Variants in IL2RA observed in about 807,000 individuals in gnomAD.
IL2RA encodes the protein interleukin 2 receptor subunit alpha.
A neutral mutation model predicts 37.8 loss-of-function variants in IL2RA; 24 were observed. The ratio of observed to expected loss-of-function variants is 0.63; its 90% CI spans 0.46 to 0.89. IL2RA has a LOEUF of 0.89. Ranked by LOEUF, IL2RA falls within the 40% of genes least tolerant of loss-of-function variation. The probability of loss-of-function intolerance (pLI) is 0.00; values close to 1 mark genes in which losing one functional copy is unlikely to be tolerated. For synonymous variants in IL2RA, 125 were observed against 114.6 expected (o/e 1.09, Z -0.58); for missense variants, 319 against 348.6 (o/e 0.92, Z 0.68).
At chr10:6,027,604 A>G (rs1839506842) in intron 1 of IL2RA, among the ~76,000 whole-genome samples, 1 of 152,224 alleles carries the variant, frequency 6.6e-6, no homozygotes, top group Non-Finnish European at 1.5e-5. Flanking sequence ...TGCTGTAATA[A>G]TTATTATTTT....
At chr10:6,059,415 A>G (rs1009211103) in intron 1 of IL2RA, among the ~76,000 whole-genome samples, 1 of 152,238 alleles carries the variant, frequency 6.6e-6, no homozygotes, top group African/African-American at 2.4e-5. Flanking sequence ...CAAAGTGGCT[A>G]TGAAGATTAC....
In IL2RA at chr10:6,036,803, G is replaced by A. The variant is rs1204854000; in HGVS notation, c.65-10778C>T. Among the ~76,000 whole-genome samples the A allele has an allele frequency of 6.6e-6, 1 of 151,916 alleles. No homozygotes were observed. The highest frequency in any genetic ancestry group is 2.4e-5 in the African/African-American group (1 of 41,182). ...TGGGGGACAGTCATTTTAGAGAGCG[G>A]ACACCACTGCTGAAGAAGAAGGATA... On this transcript the variant is annotated intron_variant, in intron 1 of 7. Transcript: ENST00000379959. The surrounding 1 kb of genome is among the most constrained non-coding windows in gnomAD (Gnocchi z 6.1).
intron 3 of IL2RA, among the ~76,000 whole-genome samples, chr10:6,023,311 G>T (rs1564543074): frequency 1.3e-5 from 2 of 152,142 alleles, no homozygotes; most frequent in African/African-American, 2.4e-5. Context: ...TTCCTAGCAG[G>T]TTCTGTGGGT....
intron 1 of IL2RA, among the ~76,000 whole-genome samples, chr10:6,037,958 C>G (rs1407115179): frequency 1.3e-5 from 2 of 152,120 alleles, no homozygotes; most frequent in Non-Finnish European, 2.9e-5. Context: ...CTTGGGAAAC[C>G]CAAACCAGAA....
chr10:6,017,867 TG>T (rs1839304839), intron 7 of IL2RA, among the ~76,000 whole-genome samples, 185 bp downstream of exon 7: 1 of 152,186 alleles, frequency 6.6e-6, no homozygotes. Context: ...CGTGAGCCAC[TG>T]CACCCGGCGG....
At chr10:6,060,431 C>T (rs1014574105) in intron 1 of IL2RA, among the ~76,000 whole-genome samples, 1 of 152,138 alleles carries the variant, frequency 6.6e-6, no homozygotes, top group Non-Finnish European at 1.5e-5. Context: ...TTCATGTAAC[C>T]AAACACCACC....
Position 6,019,725 on chromosome 10 carries a change from C to T in IL2RA, c.655+145G>A, listed in dbSNP as rs911909443. The T allele has an allele frequency of 9.6e-5, 82 of 850,516 alleles. 1 individual carries two copies. The South Asian group carries it at 1.1e-3, about 11-fold the overall frequency. The allele number at this position is 850,516 out of a possible 1,614,324, so 52.7% of individuals were successfully genotyped here. A position where few individuals can be genotyped will look rare whatever the true frequency, so the allele number is the denominator to read the frequency against. Reference sequence around the variant, plus strand: ...CTTTGGGGCCTGCAGGTTGCTGAGGCCCTGTCCCTGCTCAGAGGGAGAGGA... The same window carrying T: ...CTTTGGGGCCTGCAGGTTGCTGAGGTCCTGTCCCTGCTCAGAGGGAGAGGA... On this transcript the variant is annotated intron_variant, in intron 5 of 7. Coordinates refer to ENST00000379959, the MANE Select transcript of IL2RA (RefSeq NM_000417.3).
Position 6,015,047 on chromosome 10 carries a change from G to A in IL2RA, c.795-2151C>T, listed in dbSNP as rs539880967. Among the ~76,000 whole-genome samples the A allele has an allele frequency of 1.3e-5, 2 of 151,834 alleles. No individual in the cohort carries two copies. Among genetic ancestry groups the A allele is most frequent in the Non-Finnish European group, 2.9e-5 (2 of 67,870 alleles). ...CTGGATAATCAAGAGAGAGACAGAGGGAGTTTCTAGAGTTTACTTTTTCTT... is the reference window on the plus strand; with the variant it reads ...CTGGATAATCAAGAGAGAGACAGAGAGAGTTTCTAGAGTTTACTTTTTCTT... On this transcript the variant is annotated intron_variant, in intron 7 of 7. Coordinates refer to ENST00000379959, the MANE Select transcript of IL2RA (RefSeq NM_000417.3). The surrounding 1 kb of genome is among the most constrained non-coding windows in gnomAD (Gnocchi z 4.9).
At chr10:6,031,003 T>G (rs2132866532) in intron 1 of IL2RA, among the ~76,000 whole-genome samples, 1 of 152,052 alleles carries the variant, frequency 6.6e-6, no homozygotes, top group South Asian at 2.1e-4. Flanking sequence ...AAAAGAATAT[T>G]AAATTTGTTT....
chr10:6,033,745 A>G lies in IL2RA; in HGVS notation c.65-7720T>C, dbSNP rs934172239. On this transcript the variant is annotated intron_variant, in intron 1 of 7. Coordinates refer to ENST00000379959, the MANE Select transcript of IL2RA (RefSeq NM_000417.3). The surrounding 1 kb of genome is among the most constrained non-coding windows in gnomAD (Gnocchi z 4.3). ...TGAAGTTCACAAAAAGACAAAAGTT[A>G]TATCCAGAGATAGAAAGCAGACAGT... Among the ~76,000 whole-genome samples the G allele has an allele frequency of 6.6e-6, 1 of 152,268 alleles. No homozygotes were observed. Among genetic ancestry groups the G allele is most frequent in the African/African-American group, 2.4e-5 (1 of 41,466 alleles).
At chr10:6,016,958 GTTC>G (rs1308260841) in intron 7 of IL2RA, 2 of 152,308 alleles carry the variant, frequency 1.3e-5, no homozygotes, top group East Asian at 1.9e-4. Context: ...CAACAAATTT[GTTC>G]TTCTATTGTT....
At chr10:6,039,786 T>C (rs1407601490) in intron 1 of IL2RA, 2 of 152,216 alleles carry the variant, frequency 1.3e-5, no homozygotes, top group Admixed American at 1.3e-4. Context: ...CATGTAACCA[T>C]AGGAGCTTCT....
chr10:6,042,545 G>A (rs1356044944), intron 1 of IL2RA, among the ~76,000 whole-genome samples: 1 of 152,000 alleles, frequency 6.6e-6, no homozygotes, highest in Non-Finnish European at 1.5e-5. Context: ...AGAAATTAGA[G>A]GAATAAGAAG....
intron 1 of IL2RA, among the ~76,000 whole-genome samples, chr10:6,059,939 G>A (rs1840098620): frequency 6.6e-6 from 1 of 152,150 alleles, no homozygotes; most frequent in East Asian, 1.9e-4. Flanking sequence ...CCTCATTTTT[G>A]TATTTCCTAT....
Position 6,028,100 on chromosome 10 carries a change from G to A in IL2RA, c.65-2075C>T, listed in dbSNP as rs573579058. On this transcript the variant is annotated intron_variant, in intron 1 of 7. Transcript: ENST00000379959. The surrounding 1 kb of genome is among the most constrained non-coding windows in gnomAD (Gnocchi z 4.1). ...TGGAGGAGGGAAACACGTGAGAGGC[G>A]CCCACAGTTGCCCTGGCTTCCTTCC... Among the ~76,000 whole-genome samples, 4 of 152,108 alleles carry A rather than the reference G, an allele frequency of 2.6e-5. No individual in the cohort carries two copies. Among genetic ancestry groups the A allele is most frequent in the African/African-American group, 7.2e-5 (3 of 41,420 alleles).
At chr10:6,052,749 A>T (rs188596731) in intron 1 of IL2RA, among the ~76,000 whole-genome samples, 178 of 152,266 alleles carry the variant, frequency 1.2e-3, no homozygotes, top group African/African-American at 3.4e-3. Flanking sequence ...TTGGTCCCAA[A>T]CAGAAAAGAG....
intron 1 of IL2RA, among the ~76,000 whole-genome samples, chr10:6,045,772 G>A (rs1839843959): frequency 2.0e-5 from 3 of 152,178 alleles, no homozygotes; most frequent in African/African-American, 4.8e-5. Flanking sequence ...AAACTGGAGC[G>A]AGGAGCTGAG....
In IL2RA at chr10:6,025,830, T is replaced by G; in HGVS notation, c.256+4A>C. 1.2e-6 allele frequency: 2 copies of G among 1,614,052 alleles called. No homozygotes were observed. Among genetic ancestry groups the G allele is most frequent in the Non-Finnish European group, 1.7e-6 (2 of 1,179,858 alleles). ...TTCTTGGTAGTCACAGAAGGGACAC[T>G]TACCAGAGCTTGTGCATTGACATTG... On this transcript the variant is annotated splice_donor_region_variant and intron_variant, in intron 2 of 7. Transcript: ENST00000379959. The surrounding 1 kb of genome is among the most constrained non-coding windows in gnomAD (Gnocchi z 4.4).
chr10:6,037,611 G>A (rs1839710348), intron 1 of IL2RA, among the ~76,000 whole-genome samples: 1 of 152,214 alleles, frequency 6.6e-6, no homozygotes, highest in Non-Finnish European at 1.5e-5. Flanking sequence ...ACTGGGTAAA[G>A]AGGGATCTGG....
Sources: allele counts gnomAD v4.1 joint callset (sites outside exome capture counted in the v4.1 genomes callset), GRCh38; gene constraint gnomAD v4.1.1; non-coding constraint Gnocchi (gnomAD v3.1); transcripts MANE v1.5; gene names NCBI Gene and HGNC (gene_info 2026-07-23, HGNC 2026-07-21).